The following EIF2B5 variants were observed in gnomAD, a reference collection of about 807,000 sequenced individuals.
EIF2B5 encodes eukaryotic translation initiation factor 2B subunit epsilon.
In EIF2B5, 38 loss-of-function variants were observed where a neutral mutation model predicts 87.3. The observed-to-expected ratio is 0.44, with a 90% CI of 0.34 to 0.57. The LOEUF is 0.57. EIF2B5 is among the 20% of genes least tolerant of loss of function. The pLI is 0.02. For missense variants in EIF2B5, 784 were observed against 909.5 expected (o/e 0.86, Z 1.78); for synonymous variants, 313 against 339.6 (o/e 0.92, Z 0.86).
rs1217247908 is a variant in EIF2B5 at position 184,144,652 on chromosome 3, G to A, written c.2051G>A (p.Trp684Ter). ...CTGGCTGAGGAAACAATTCTGAGCT[G>A]GTTCAGCCAAAGAGATACAACTGAC... ...EILAEETILSWFSQRDTTDKG... is the reference protein window; with the variant it reads ...EILAEETILS Residue 684 changes from tryptophan to a stop codon, truncating the protein, a stop_gained, in exon 15 of 16, where the codon TGG (tryptophan) becomes TAG (stop). Coordinates refer to ENST00000648915, the MANE Select transcript of EIF2B5 (RefSeq NM_003907.3). LOFTEE classifies it high-confidence loss of function. 6.2e-7 allele frequency: 1 copy of A among 1,614,166 alleles called. No individual in the cohort carries two copies. The highest frequency in any genetic ancestry group is 1.1e-5 in the South Asian group (1 of 91,068).
rs761857892 is a variant in EIF2B5, at chr3:184,143,426, C to T, written c.1746-16C>T. ...AGGCCAGTGAAGGCCCTGGTGTCACCCCAGTCTCCCCACAGGTATGCCTAT... is the reference window on the plus strand; with the variant it reads ...AGGCCAGTGAAGGCCCTGGTGTCACTCCAGTCTCCCCACAGGTATGCCTAT... On this transcript the variant is annotated splice_polypyrimidine_tract_variant and intron_variant, in intron 12 of 15. Coordinates refer to ENST00000648915, the MANE Select transcript of EIF2B5 (RefSeq NM_003907.3). 6.2e-7 allele frequency: 1 copy of T among 1,614,144 alleles called. No individual in the cohort carries two copies. Among genetic ancestry groups the T allele is most frequent in the South Asian group, 1.1e-5 (1 of 91,082 alleles).
At chr3:184,139,974 G>A (rs1713546701) in intron 5 of EIF2B5, 106 bp from the exon 6 acceptor site, 1 of 843,652 alleles carries the variant, frequency 1.2e-6, no homozygotes, top group Non-Finnish European at 1.9e-6. Context: ...AGTGAGCCGA[G>A]ATCATGCAAC....
chr3:184,140,285 G>A, intron 6 of EIF2B5, 128 bp downstream of exon 6: 1 of 1,388,978 alleles, frequency 7.2e-7, no homozygotes. Flanking sequence ...GGGGACAGGA[G>A]GAACAGTACA....
intron 1 of EIF2B5, 43 bp downstream of exon 1, chr3:184,135,623 G>A: frequency 6.4e-7 from 1 of 1,557,664 alleles, no homozygotes; most frequent in Non-Finnish European, 8.7e-7. Flanking sequence ...AGGAAGGGTG[G>A]CAGGGCTGGA....
chr3:184,140,003 A>G, intron 5 of EIF2B5, 77 bp from the exon 6 acceptor site: 1 of 1,221,090 alleles, frequency 8.2e-7, no homozygotes, highest in Non-Finnish European at 1.2e-6. Context: ...AGCCTGGGCA[A>G]CAGAGCTAGA....
At position 184,142,412 on chromosome 3, in the gene EIF2B5, G is replaced by C. The variant is rs779011303; in HGVS notation, c.1444+34G>C. On this transcript the variant is annotated intron_variant, in intron 9 of 15. Coordinates refer to ENST00000648915, the MANE Select transcript of EIF2B5 (RefSeq NM_003907.3). This position sits in a 1 kb window ranked among gnomAD's most constrained non-coding sequence, Gnocchi z 5.0. ...CTCAACAGGTGTGGGGCATCTGTGT[G>C]TCTCGCTGCCTCATAGAAGAACCAG... is the stretch of plus-strand genomic sequence containing the variant. 8.7e-6 allele frequency: 14 copies of C among 1,614,084 alleles called. No homozygotes were observed. Among genetic ancestry groups the C allele is most frequent in the Non-Finnish European group, 1.2e-5 (14 of 1,180,054 alleles).
At chr3:184,136,972 C>T in intron 2 of EIF2B5, 4 of 554,070 alleles carry the variant, frequency 7.2e-6, no homozygotes, top group East Asian at 3.4e-5. Flanking sequence ...TTCTGAATCT[C>T]ATTATAAAGT....
In EIF2B5 at chr3:184,145,229, C is replaced by G. The variant is rs534294638; in HGVS notation, c.*286C>G. 2.3e-5 allele frequency: 12 copies of G among 523,422 alleles called. No homozygotes were observed. In the East Asian group the frequency reaches 3.9e-4, roughly 17 times the overall value. 32.4% of individuals were successfully genotyped at this position (523,422 alleles called of 1,614,324 possible). A position where few individuals can be genotyped will look rare whatever the true frequency, so the allele number is the denominator to read the frequency against. On this transcript the variant is annotated 3_prime_UTR_variant, in exon 16 of 16. Transcript: ENST00000648915. The surrounding 1 kb of genome is among the most constrained non-coding windows in gnomAD (Gnocchi z 4.0). ...AGGCCAGAGGAACAGCTTTGTGCTC[C>G]GGCTTTCCCTCAGGGAACAGCAGAG...
intron 14 of EIF2B5, 135 bp downstream of exon 14, chr3:184,144,359 A>C (rs1306160174): frequency 9.7e-6 from 14 of 1,445,602 alleles, no homozygotes; most frequent in Non-Finnish European, 1.3e-5. Context: ...TATTGCTAGA[A>C]TAGTACAGCT....
intron 1 of EIF2B5, 37 bp from the exon 2 acceptor site, chr3:184,136,575 C>A (rs1023494334): frequency 6.2e-7 from 1 of 1,613,198 alleles, no homozygotes; most frequent in South Asian, 1.1e-5. Flanking sequence ...CAAAGGGATT[C>A]GAGACCTCAA....
intron 13 of EIF2B5, 146 bp from the exon 14 acceptor site, chr3:184,143,952 AC>A: frequency 7.9e-7 from 1 of 1,272,268 alleles, no homozygotes; most frequent in Non-Finnish European, 1.1e-6. Flanking sequence ...AACCCTGTCA[AC>A]AACTCCCAAG....
chr3:184,140,317 G>C (rs1203901511), intron 6 of EIF2B5, 101 bp from the exon 7 acceptor site: 5 of 1,445,408 alleles, frequency 3.5e-6, no homozygotes, highest in Non-Finnish European at 4.9e-6. Context: ...CTTTGTGGCA[G>C]TGAGAGGCAG....
At chr3:184,136,200 ATGGC>A (rs1349453894) in intron 1 of EIF2B5, among the ~76,000 whole-genome samples, 3 of 152,220 alleles carry the variant, frequency 2.0e-5, no homozygotes, top group Admixed American at 2.0e-4. Context: ...AAAAAGCCTA[ATGGC>A]TGTTCATTTT....
At position 184,145,103 on chromosome 3, in the gene EIF2B5, C is replaced by T; in HGVS notation, c.*160C>T. 2 of 710,692 alleles carry T rather than the reference C, an allele frequency of 2.8e-6. No homozygotes were observed. The highest frequency in any genetic ancestry group is 3.1e-5 in the South Asian group (2 of 63,870). 44.0% of individuals were successfully genotyped at this position (710,692 alleles called of 1,614,324 possible). A position where few individuals can be genotyped will look rare whatever the true frequency, so the allele number is the denominator to read the frequency against. On this transcript the variant is annotated 3_prime_UTR_variant, in exon 16 of 16. Transcript: ENST00000648915. The surrounding 1 kb of genome is among the most constrained non-coding windows in gnomAD (Gnocchi z 4.0). ...ACAGTATTCTTTCCCCTGCTAGCAA[C>T]CATGTGCCTCCCATCCTGACTGTGG...
intron 7 of EIF2B5, chr3:184,140,934 A>G: frequency 1.6e-6 from 1 of 623,242 alleles, no homozygotes; most frequent in East Asian, 2.8e-5. Flanking sequence ...TCATTGGATG[A>G]CTCTTCACAT....
rs1324276207 is a variant in EIF2B5, at chr3:184,139,262, C to T, written c.766-818C>T. ...CTGCAATCACAGGTGTGAGCCTCTG[C>T]ACCCAGCATTTTTTTTTTTTTTTTT... is the stretch of plus-strand genomic sequence containing the variant. On this transcript the variant is annotated intron_variant, in intron 5 of 15. Transcript: ENST00000648915. Among the ~76,000 whole-genome samples the T allele has an allele frequency of 4.0e-5, 6 of 148,530 alleles. No individual in the cohort carries two copies. In the East Asian group the frequency reaches 5.9e-4, roughly 15 times the overall value.
At chr3:184,141,760 A>G (rs1713643499) in intron 7 of EIF2B5, among the ~76,000 whole-genome samples, 165 bp from the exon 8 acceptor site, 1 of 151,990 alleles carries the variant, frequency 6.6e-6, no homozygotes, top group Non-Finnish European at 1.5e-5. Context: ...GTATCTTCTC[A>G]GGCCTGGGCT....
chr3:184,140,045 A>G (rs753417648), intron 5 of EIF2B5, 35 bp from the exon 6 acceptor site: 1 of 1,523,994 alleles, frequency 6.6e-7, no homozygotes, highest in Non-Finnish European at 9.1e-7. Context: ...AAAGAATAGT[A>G]CTTAATTCTA....
rs549187460 is a variant in EIF2B5 at position 184,138,326 on chromosome 3, G to A, written c.765+80G>A. 4.9e-6 allele frequency: 6 copies of A among 1,233,490 alleles called. No homozygotes were observed. In the East Asian group the frequency reaches 9.3e-5, roughly 19 times the overall value. The allele number at this position is 1,233,490 out of a possible 1,614,324, so 76.4% of individuals were successfully genotyped here. A position where few individuals can be genotyped will look rare whatever the true frequency, so the allele number is the denominator to read the frequency against. ...GTTATTGTCCCCTTAGAAGGCCAGG[G>A]TATATTTCTTCTCCCTGTTTATTTT... On this transcript the variant is annotated intron_variant, in intron 5 of 15. Transcript: ENST00000648915.
Sources: gnomAD v4.1 joint callset for allele counts (sites outside exome capture counted in the v4.1 genomes callset) on GRCh38, gnomAD v4.1.1 for gene constraint, Gnocchi (gnomAD v3.1) non-coding constraint, MANE v1.5 for transcripts, NCBI Gene and HGNC (gene_info 2026-07-23, HGNC 2026-07-21) for gene names.